The following PIP4K2A variants were observed in gnomAD, a reference collection of about 807,000 sequenced individuals.
PIP4K2A encodes phosphatidylinositol-5-phosphate 4-kinase type 2 alpha, also known as phosphatidylinositol 5-phosphate 4-kinase type-2 alpha.
PIP4K2A carries 14 observed loss-of-function variants against 42.9 expected under a neutral mutation model. That is an observed-to-expected ratio of 0.33 (90% CI 0.22 to 0.51). The LOEUF is 0.51. Ranked by LOEUF, PIP4K2A falls within the 20% of genes least tolerant of loss-of-function variation. The pLI is 0.97. For synonymous variants in PIP4K2A, 192 were observed against 192.2 expected, an observed-to-expected ratio of 1.00 and a Z score of 0.01; for missense variants, 434 against 519.8, an observed-to-expected ratio of 0.83 and a Z score of 1.61.
At chr10:22,619,439 C>CTTTTTTTTTTTTTTTT (rs746519034) in intron 1 of PIP4K2A, among the ~76,000 whole-genome samples, 1 of 137,506 alleles carries the variant, frequency 7.3e-6, no homozygotes, top group African/African-American at 2.8e-5. Context: ...TTTCTTTTTT[C>CTTTTTTTTTTTTTTTT]TTTTTTTTTT....
intron 6 of PIP4K2A, among the ~76,000 whole-genome samples, chr10:22,560,377 A>C (rs1836658855): frequency 6.6e-6 from 1 of 152,116 alleles, no homozygotes; most frequent in Non-Finnish European, 1.5e-5. Context: ...AGCCCAGATG[A>C]CCAGATAGGG....
At chr10:22,700,547 A>G (rs1833694125) in intron 1 of PIP4K2A, among the ~76,000 whole-genome samples, 1 of 152,218 alleles carries the variant, frequency 6.6e-6, no homozygotes, top group South Asian at 2.1e-4. Flanking sequence ...CTCTGTGCAC[A>G]TCAGAAAATG....
At chr10:22,628,689 A>G (rs1020152208) in intron 1 of PIP4K2A, among the ~76,000 whole-genome samples, 1 of 152,194 alleles carries the variant, frequency 6.6e-6, no homozygotes, top group Admixed American at 6.5e-5. Flanking sequence ...GGTCATAGGT[A>G]GATTGAAAAA....
intron 1 of PIP4K2A, among the ~76,000 whole-genome samples, chr10:22,637,951 T>C (rs1838703546): frequency 1.3e-5 from 2 of 152,342 alleles, no homozygotes; most frequent in South Asian, 4.1e-4. Flanking sequence ...AAGACAGTTC[T>C]GTAATGGATG....
At chr10:22,647,117 C>G (rs1351246782) in intron 1 of PIP4K2A, among the ~76,000 whole-genome samples, 1 of 152,168 alleles carries the variant, frequency 6.6e-6, no homozygotes, top group Admixed American at 6.5e-5. Context: ...TTATTGCTCT[C>G]TGGCCAAAGC....
chr10:22,633,369 G>A (rs1275100624), intron 1 of PIP4K2A, among the ~76,000 whole-genome samples: 1 of 152,152 alleles, frequency 6.6e-6, no homozygotes, highest in Non-Finnish European at 1.5e-5. Flanking sequence ...CAAACACACA[G>A]CCTTTCTGTA....
At chr10:22,599,302 GCAATCACTCC>G (rs1837699123) in intron 3 of PIP4K2A, among the ~76,000 whole-genome samples, 2 of 152,138 alleles carry the variant, frequency 1.3e-5, no homozygotes, top group Admixed American at 1.3e-4. Context: ...GAACCTATCT[GCAATCACTCC>G]CATTCCTTCC....
intron 1 of PIP4K2A, among the ~76,000 whole-genome samples, chr10:22,644,216 G>A (rs1272817859): frequency 2.6e-5 from 4 of 152,092 alleles, no homozygotes; most frequent in Non-Finnish European, 5.9e-5. Flanking sequence ...CAAACTCCCG[G>A]AGTTGACTCT....
At chr10:22,582,623 C>T (rs1277302961) in intron 4 of PIP4K2A, among the ~76,000 whole-genome samples, 1 of 151,936 alleles carries the variant, frequency 6.6e-6, no homozygotes, top group Non-Finnish European at 1.5e-5. Flanking sequence ...GTTAAATTAT[C>T]TGTAATCCTT....
chr10:22,550,544 G>A lies in PIP4K2A; in HGVS notation c.792+115C>T, dbSNP rs1836381750. The A allele has an allele frequency of 5.5e-6, 4 of 723,276 alleles. No homozygotes were observed. In the South Asian group the frequency reaches 6.1e-5, roughly 11 times the overall value. 44.8% of individuals were successfully genotyped at this position (723,276 alleles called of 1,614,324 possible). A position where few individuals can be genotyped will look rare whatever the true frequency, so the allele number is the denominator to read the frequency against. On this transcript the variant is annotated intron_variant, in intron 7 of 9. Coordinates refer to ENST00000376573, the MANE Select transcript of PIP4K2A (RefSeq NM_005028.5). ...TCATGTCTGACTTCCCTAAGGTAGA[G>A]TATGCAGGTTTTTGCCTTGATTGAA...
At chr10:22,639,595 C>T (rs115389607) in intron 1 of PIP4K2A, among the ~76,000 whole-genome samples, 2,392 of 152,034 alleles carry the variant, frequency 0.016, 58 homozygotes, top group African/African-American at 0.054. Flanking sequence ...GCGGAATATC[C>T]TGAAATTTCT....
chr10:22,570,869 A>G (rs867861549), intron 5 of PIP4K2A, among the ~76,000 whole-genome samples: 13 of 151,964 alleles, frequency 8.6e-5, no homozygotes, highest in South Asian at 4.2e-4. Context: ...AAAAACCAGC[A>G]CCATCTAAGA....
At chr10:22,624,048 T>C (rs1333662846) in intron 1 of PIP4K2A, among the ~76,000 whole-genome samples, 4 of 152,168 alleles carry the variant, frequency 2.6e-5, no homozygotes, top group Admixed American at 6.5e-5. Context: ...CTAATGATAC[T>C]CCAGAGCTAT....
At chr10:22,626,257 T>TA (rs370242770) in intron 1 of PIP4K2A, among the ~76,000 whole-genome samples, 113 of 151,420 alleles carry the variant, frequency 7.5e-4, no homozygotes, top group African/African-American at 2.5e-3. Context: ...ATATTCTGCT[T>TA]AAAAAAAAAG....
At chr10:22,682,214 G>A (rs931756461) in intron 1 of PIP4K2A, among the ~76,000 whole-genome samples, 3 of 151,986 alleles carry the variant, frequency 2.0e-5, no homozygotes, top group Non-Finnish European at 4.4e-5. Context: ...CTTAGCTACT[G>A]AATTTTTCAC....
intron 1 of PIP4K2A, among the ~76,000 whole-genome samples, chr10:22,708,399 G>A (rs1371142242): frequency 3.3e-5 from 5 of 151,814 alleles, no homozygotes; most frequent in Admixed American, 6.6e-5. Flanking sequence ...GATTCTGTAC[G>A]GGCAGGTCTC....
At chr10:22,588,164 C>A (rs1223762681) in intron 4 of PIP4K2A, among the ~76,000 whole-genome samples, 1 of 152,282 alleles carries the variant, frequency 6.6e-6, no homozygotes. Context: ...TATACATTTC[C>A]TTGTTCTTAA....
intron 2 of PIP4K2A, among the ~76,000 whole-genome samples, chr10:22,608,792 G>A (rs975801864): frequency 1.4e-4 from 22 of 152,160 alleles, no homozygotes; most frequent in Admixed American, 1.4e-3. Flanking sequence ...AAGGGGGATT[G>A]CTTGACCCCA....
intron 1 of PIP4K2A, among the ~76,000 whole-genome samples, chr10:22,614,509 G>A (rs1254302919): frequency 2.0e-5 from 3 of 151,912 alleles, no homozygotes; most frequent in Non-Finnish European, 2.9e-5. Context: ...TTTCCCCTCC[G>A]GATTCCCCCC....
Sources: allele counts gnomAD v4.1 joint callset (sites outside exome capture counted in the v4.1 genomes callset), GRCh38; gene constraint gnomAD v4.1.1; transcripts MANE v1.5; gene names NCBI Gene and HGNC (gene_info 2026-07-23, HGNC 2026-07-21).